Variants in CD247 observed in about 807,000 individuals in gnomAD.
CD247 encodes the protein CD247 molecule.
Under a neutral mutation model 30.0 loss-of-function variants are expected in CD247, and 13 were observed. That is an observed-to-expected ratio of 0.43 (90% CI 0.28 to 0.69). The LOEUF is 0.69. Among genes scored for constraint, CD247 ranks in the 30% least tolerant of loss-of-function variants. CD247 has a pLI of 0.16. For missense variants in CD247, 193 were observed against 212.6 expected, an observed-to-expected ratio of 0.91 and a Z score of 0.57; for synonymous variants, 72 against 80.0, an observed-to-expected ratio of 0.90 and a Z score of 0.53.
intron 1 of CD247, among the ~76,000 whole-genome samples, chr1:167,460,218 A>G (rs1444846209): frequency 6.6e-6 from 1 of 152,114 alleles, no homozygotes; most frequent in Non-Finnish European, 1.5e-5. Flanking sequence ...CCTGGGCAAC[A>G]TGGCGAAATC....
intron 1 of CD247, among the ~76,000 whole-genome samples, chr1:167,485,297 C>T (rs1263497815): frequency 1.3e-5 from 2 of 152,214 alleles, no homozygotes; most frequent in East Asian, 3.9e-4. Context: ...CTGCTCACAG[C>T]TCTGTCCCTG....
intron 1 of CD247, among the ~76,000 whole-genome samples, chr1:167,466,901 G>A (rs577766836): frequency 7.1e-4 from 108 of 151,696 alleles, no homozygotes; most frequent in Non-Finnish European, 1.4e-3. Flanking sequence ...GTGCAGTGGC[G>A]CAATCTCAGC....
chr1:167,470,370 C>T (rs78989896), intron 1 of CD247, among the ~76,000 whole-genome samples: 3,937 of 152,134 alleles, frequency 0.026, 180 homozygotes, highest in African/African-American at 0.09. Flanking sequence ...TTATTTCTCC[C>T]CCAGCAAACC....
intron 6 of CD247, among the ~76,000 whole-genome samples, chr1:167,433,349 C>T (rs563902268): frequency 3.3e-5 from 5 of 152,338 alleles, no homozygotes; most frequent in Admixed American, 6.5e-5. Context: ...ATATTGCCTA[C>T]TGCTTAGATA....
Position 167,430,724 on chromosome 1 carries a change from G to A in CD247, c.*957C>T. Reference sequence around the variant, plus strand: ...ATTAAAACAGTAGAAAAAAAGCAGAGTAGAGAGCGTTTTCCATCCATGGCC... The same window carrying A: ...ATTAAAACAGTAGAAAAAAAGCAGAATAGAGAGCGTTTTCCATCCATGGCC... On this transcript the variant is annotated 3_prime_UTR_variant, in exon 8 of 8. Transcript: ENST00000362089. 7.5e-6 allele frequency: 3 copies of A among 398,704 alleles called. No homozygotes were observed. In the Admixed American group the frequency reaches 1.3e-4, roughly 18 times the overall value. The allele number at this position is 398,704 out of a possible 1,614,324, so 24.7% of individuals were successfully genotyped here. A position where few individuals can be genotyped will look rare whatever the true frequency, so the allele number is the denominator to read the frequency against.
In CD247 at chr1:167,438,616, A is replaced by C. The variant is rs1400151645; in HGVS notation, c.254T>G (p.Val85Gly). 1 of 1,614,042 alleles carries C rather than the reference A, an allele frequency of 6.2e-7. No homozygotes were observed. The change falls in exon 4 of 8, where the codon GTT becomes GGT. Residue 85 changes from valine (V) to glycine (G), a missense_variant. By Grantham distance (109) the Val-to-Gly change is moderately radical. Transcript: ENST00000362089. ...LNLGRREEYD[V>G]LDKRRGRDPE... Reference sequence around the variant, plus strand: ...GTCCCGGCCACGTCTCTTGTCCAAAACATCGTACTCCTCTCTTCGTCCTAG... The same window carrying C: ...GTCCCGGCCACGTCTCTTGTCCAAACCATCGTACTCCTCTCTTCGTCCTAG...
At chr1:167,464,906 A>G (rs1653171323) in intron 1 of CD247, among the ~76,000 whole-genome samples, 1 of 152,216 alleles carries the variant, frequency 6.6e-6, no homozygotes, top group Non-Finnish European at 1.5e-5. Flanking sequence ...TCTGTAAAAA[A>G]CAAAAACAAA....
At chr1:167,482,925 G>T (rs1654031267) in intron 1 of CD247, among the ~76,000 whole-genome samples, 1 of 152,124 alleles carries the variant, frequency 6.6e-6, no homozygotes, top group South Asian at 2.1e-4. Flanking sequence ...TCATGGTTTT[G>T]GCCCTCTCTG....
intron 4 of CD247, among the ~76,000 whole-genome samples, chr1:167,436,115 A>G (rs1048513115): frequency 1.3e-5 from 2 of 152,254 alleles, no homozygotes; most frequent in Non-Finnish European, 2.9e-5. Context: ...AGGATCATTC[A>G]GTGTGATCAA....
chr1:167,454,836 G>C (rs1167440481), intron 1 of CD247, among the ~76,000 whole-genome samples: 2 of 152,190 alleles, frequency 1.3e-5, no homozygotes, highest in Admixed American at 6.5e-5. Flanking sequence ...AGGGGCGGAG[G>C]GGGAGCCAGG....
intron 1 of CD247, among the ~76,000 whole-genome samples, chr1:167,485,121 T>C (rs858556): frequency 0.35 from 53,942 of 152,140 alleles, 10,236 homozygotes; most frequent in Admixed American, 0.48. Context: ...TGGATGCAGA[T>C]GGCATGGACT....
At chr1:167,450,602 G>A (rs2988279) in intron 1 of CD247, among the ~76,000 whole-genome samples, 48,130 of 152,144 alleles carry the variant, frequency 0.32, 8,439 homozygotes, top group Middle Eastern at 0.44. Context: ...GCAGAGACAG[G>A]AAAACAGATT....
intron 1 of CD247, among the ~76,000 whole-genome samples, chr1:167,503,041 C>T (rs557868956): frequency 2.0e-5 from 3 of 152,128 alleles, no homozygotes; most frequent in Admixed American, 2.0e-4. Flanking sequence ...GGAAGTGAGG[C>T]AGGTGAAGGA....
intron 1 of CD247, among the ~76,000 whole-genome samples, chr1:167,512,982 T>C (rs1352070375): frequency 6.6e-6 from 1 of 152,282 alleles, no homozygotes; most frequent in African/African-American, 2.4e-5. Flanking sequence ...TGCAAAATGC[T>C]GTTTTACTTT....
At chr1:167,497,575 A>G (rs1204361480) in intron 1 of CD247, among the ~76,000 whole-genome samples, 2 of 152,206 alleles carry the variant, frequency 1.3e-5, no homozygotes, top group Non-Finnish European at 2.9e-5. Flanking sequence ...AAGAAAGTAA[A>G]GGTTGTAAAT....
intron 1 of CD247, among the ~76,000 whole-genome samples, chr1:167,491,464 A>G (rs1317293228): frequency 6.6e-6 from 1 of 152,054 alleles, no homozygotes; most frequent in Non-Finnish European, 1.5e-5. Flanking sequence ...GCTACTCGGG[A>G]GGCTGAGGCA....
In CD247 at chr1:167,518,510, C is replaced by A; in HGVS notation, c.-45G>T. 1 of 1,559,130 alleles carries A rather than the reference C, an allele frequency of 6.4e-7. No individual in the cohort carries two copies. Among genetic ancestry groups the A allele is most frequent in the South Asian group, 1.1e-5 (1 of 90,006 alleles). On this transcript the variant is annotated 5_prime_UTR_variant, in exon 1 of 8. Transcript: ENST00000362089. Reference sequence around the variant, plus strand: ...AGAGGCTGGGAGGCAGAGGCTGAGGCAGCGGTGGCCGGGACGGTTAGGAGA... The same window carrying A: ...AGAGGCTGGGAGGCAGAGGCTGAGGAAGCGGTGGCCGGGACGGTTAGGAGA...
intron 1 of CD247, among the ~76,000 whole-genome samples, chr1:167,480,276 G>A (rs1464867422): frequency 6.6e-6 from 1 of 152,158 alleles, no homozygotes; most frequent in Non-Finnish European, 1.5e-5. Context: ...CGATGAAAAT[G>A]GGAAACCGTT....
Position 167,430,650 on chromosome 1 carries a change from C to A in CD247, c.*1031G>T. On this transcript the variant is annotated 3_prime_UTR_variant, in exon 8 of 8. Coordinates refer to ENST00000362089, the MANE Select transcript of CD247 (RefSeq NM_198053.3). ...AAAGCTTAGTAAAGCTGCATTTTCA[C>A]TGAAGCATTTATTATGCAAAATAGG... 1 of 398,684 alleles carries A rather than the reference C, an allele frequency of 2.5e-6. No homozygotes were observed. The highest frequency in any genetic ancestry group is 4.4e-6 in the Non-Finnish European group (1 of 226,072). The allele number at this position is 398,684 out of a possible 1,614,324, so 24.7% of individuals were successfully genotyped here.
Sources: allele counts gnomAD v4.1 joint callset (sites outside exome capture counted in the v4.1 genomes callset), GRCh38; gene constraint gnomAD v4.1.1; transcripts MANE v1.5; gene names NCBI Gene and HGNC (gene_info 2026-07-23, HGNC 2026-07-21).